Variants in MCF2L observed in about 807,000 individuals in gnomAD.
MCF2L encodes the protein MCF.2 cell line derived transforming sequence like, also known as guanine nucleotide exchange factor DBS.
Under a neutral mutation model 153.4 loss-of-function variants are expected in MCF2L, and 97 were observed. The ratio of observed to expected loss-of-function variants is 0.63; its 90% confidence interval spans 0.54 to 0.75. The LOEUF (loss-of-function observed/expected upper bound fraction) is 0.75, where lower values mean the gene tolerates loss of function less well. Among genes scored for constraint, MCF2L ranks in the 30% least tolerant of loss-of-function variants. MCF2L has a pLI of 0.00. For missense variants in MCF2L, 1,347 were observed against 1,495.2 expected (o/e 0.90, Z 1.64); for synonymous variants, 659 against 632.2 (o/e 1.04, Z -0.64).
At position 113,044,840 on chromosome 13, in the gene MCF2L, C is replaced by A. The variant is rs558115846; in HGVS notation, c.279-431C>A. 1.3e-5 allele frequency: 21 copies of A among 1,612,910 alleles called. No homozygotes were observed. In the African/African-American group the frequency reaches 2.8e-4, roughly 21 times the overall value. On this transcript the variant is annotated intron_variant, in intron 3 of 29. Transcript: ENST00000535094. The stretch of plus-strand genomic sequence containing the variant: ...CGTAGCCATGCCACCACGAGTGAAT[C>A]CTTAACGTGGACCAGCACGGGCACC...
At chr13:112,958,307 G>T (rs1375060745) in intron 2 of MCF2L, 1 of 152,302 alleles carries the variant, frequency 6.6e-6, no homozygotes, top group East Asian at 1.9e-4. Context: ...ACACAGGCTG[G>T]AGACCCACGC....
At chr13:112,992,284 A>G (rs2082924343) in intron 1 of MCF2L, among the ~76,000 whole-genome samples, 2 of 152,242 alleles carry the variant, frequency 1.3e-5, no homozygotes, top group African/African-American at 4.8e-5. Context: ...GGCCTTAAGC[A>G]TTTTGGATAT....
At position 113,060,576 on chromosome 13, in the gene MCF2L, C is replaced by T. The variant is rs570718511; in HGVS notation, c.370-17C>T. On this transcript the variant is annotated splice_polypyrimidine_tract_variant and intron_variant, in intron 4 of 29. Coordinates refer to ENST00000535094, the MANE Select transcript of MCF2L (RefSeq NM_001112732.3). ...CAGAGCACGCTGCAGGCCCTTGTCT[C>T]TCGCCCTCTCTCACAGGCATCTTTC... 11 of 1,611,584 alleles carry T rather than the reference C, an allele frequency of 6.8e-6. No individual in the cohort carries two copies. Among genetic ancestry groups the T allele is most frequent in the African/African-American group, 2.7e-5 (2 of 75,068 alleles).
At chr13:112,966,707 G>A (rs1342766874), upstream of MCF2L, among the ~76,000 whole-genome samples, 4 of 152,236 alleles carry the variant, frequency 2.6e-5, no homozygotes, top group African/African-American at 9.6e-5. The surrounding 1 kb of genome is among the most constrained non-coding windows in gnomAD (Gnocchi z 4.1). Flanking sequence ...AATAGCATGT[G>A]TGGAGATGCC....
At position 113,060,712 on chromosome 13, in the gene MCF2L, G is replaced by T; in HGVS notation, c.489G>T (p.Pro163=). 2 of 1,612,566 alleles carry T rather than the reference G, an allele frequency of 1.2e-6. No individual in the cohort carries two copies. Among genetic ancestry groups the T allele is most frequent in the Non-Finnish European group, 1.7e-6 (2 of 1,179,812 alleles). ...FNRDDFKMKV[P]VIMLSSVPDL... ...GAGATGACTTTAAGATGAAGGTGCC[G>T]GTAAGTGCGCCCCGCCTCCATCCTG... is the stretch of plus-strand genomic sequence containing the variant. The change falls in exon 5 of 30, where the codon CCG becomes CCT. Residue 163 remains proline, a splice_region_variant and synonymous_variant. Transcript: ENST00000535094.
intron 1 of MCF2L, among the ~76,000 whole-genome samples, chr13:112,894,871 C>T (rs375503466): frequency 4.0e-4 from 60 of 151,858 alleles, no homozygotes; most frequent in African/African-American, 1.3e-3. Flanking sequence ...CAGGACAGCG[C>T]CTAGGGACAG....
intron 2 of MCF2L, among the ~76,000 whole-genome samples, chr13:112,942,051 G>C (rs185385943): frequency 2.0e-5 from 3 of 152,322 alleles, no homozygotes; most frequent in African/African-American, 7.2e-5. Flanking sequence ...TTAGCAGACC[G>C]GGAAAGGGAG....
At chr13:113,084,604 T>C in intron 18 of MCF2L, 1 of 485,242 alleles carries the variant, frequency 2.1e-6, no homozygotes, top group Non-Finnish European at 3.6e-6. Flanking sequence ...AATGGCCTTC[T>C]AAGAATGGCT....
intron 1 of MCF2L, among the ~76,000 whole-genome samples, chr13:113,004,662 G>A (rs1318506309): frequency 1.3e-5 from 2 of 152,240 alleles, no homozygotes; most frequent in East Asian, 1.9e-4. Context: ...GAAAGCAACT[G>A]CCCAGAGTCA....
intron 2 of MCF2L, among the ~76,000 whole-genome samples, chr13:112,944,020 AGG>A (rs1292687031): frequency 8.5e-6 from 1 of 117,912 alleles, no homozygotes; most frequent in Non-Finnish European, 1.8e-5. Context: ...CCTTGAGGGG[AGG>A]GGAGGATCCT....
At chr13:113,055,315 T>C (rs924007183) in intron 4 of MCF2L, among the ~76,000 whole-genome samples, 1 of 149,970 alleles carries the variant, frequency 6.7e-6, no homozygotes, top group South Asian at 2.1e-4. Context: ...TGCAGGGGTA[T>C]GCTTCACTCC....
intron 2 of MCF2L, among the ~76,000 whole-genome samples, chr13:112,928,740 G>A (rs969885434): frequency 2.0e-5 from 3 of 152,306 alleles, no homozygotes; most frequent in East Asian, 1.9e-4. Flanking sequence ...GTCTTGGCAC[G>A]GGGAAAGGAC....
chr13:112,979,426 G>T, intron 1 of MCF2L: 1 of 1,398,108 alleles, frequency 7.2e-7, no homozygotes, highest in East Asian at 2.8e-5. Flanking sequence ...GCTCTGGGAG[G>T]CCGGGCACTC....
chr13:112,936,433 T>C (rs775778022), intron 2 of MCF2L, among the ~76,000 whole-genome samples: 1 of 152,210 alleles, frequency 6.6e-6, no homozygotes, highest in Non-Finnish European at 1.5e-5. Context: ...AACACAGTTT[T>C]CCTAATCACC....
intron 2 of MCF2L, among the ~76,000 whole-genome samples, chr13:112,944,708 G>C (rs906609586): frequency 6.6e-6 from 1 of 151,736 alleles, no homozygotes; most frequent in Non-Finnish European, 1.5e-5. Context: ...GGATGGTCTC[G>C]ATCTCCTGAC....
chr13:113,036,053 A>G (rs1203184746), intron 3 of MCF2L, among the ~76,000 whole-genome samples: 3 of 152,130 alleles, frequency 2.0e-5, no homozygotes, highest in African/African-American at 2.4e-5. Flanking sequence ...CATCACAAAC[A>G]ACACTGCTGC....
chr13:112,954,392 C>T (rs2081732334), intron 2 of MCF2L, among the ~76,000 whole-genome samples: 1 of 152,150 alleles, frequency 6.6e-6, no homozygotes, highest in South Asian at 2.1e-4. Flanking sequence ...AGGCAGCACC[C>T]CCGGCTTCTG....
chr13:112,958,320 G>A (rs117361297), intron 2 of MCF2L, among the ~76,000 whole-genome samples: 1 of 152,362 alleles, frequency 6.6e-6, no homozygotes, highest in East Asian at 1.9e-4. Flanking sequence ...ACCCACGCAG[G>A]ATTTCCATGT....
At chr13:112,913,080 T>TTG (rs1226067255) in intron 2 of MCF2L, among the ~76,000 whole-genome samples, 19 of 148,024 alleles carry the variant, frequency 1.3e-4, no homozygotes, top group Non-Finnish European at 2.5e-4. Context: ...GTCTGTGTGA[T>TTG]TGTGTGTGTG....
Sources: allele counts gnomAD v4.1 joint callset (sites outside exome capture counted in the v4.1 genomes callset), GRCh38; gene constraint gnomAD v4.1.1; non-coding constraint Gnocchi (gnomAD v3.1); transcripts MANE v1.5; gene names NCBI Gene and HGNC (gene_info 2026-07-23, HGNC 2026-07-21).